The following GSTCD variants were observed in gnomAD, a reference collection of about 807,000 sequenced individuals.
GSTCD encodes glutathione S-transferase C-terminal domain-containing protein.
Under a neutral mutation model 68.3 loss-of-function variants are expected in GSTCD, and 44 were observed. That is an observed-to-expected ratio of 0.64 (90% CI 0.51 to 0.83). GSTCD has a LOEUF of 0.83. Ranked by LOEUF, GSTCD falls within the 40% of genes least tolerant of loss-of-function variation. The pLI is 0.00. For synonymous variants in GSTCD, 273 were observed against 255.2 expected, an observed-to-expected ratio of 1.07 and a Z score of -0.67; for missense variants, 739 against 735.9, an observed-to-expected ratio of 1.00 and a Z score of -0.05.
rs568964433 is a variant in GSTCD at position 105,745,464 on chromosome 4, A to G, written c.1240+15965A>G. Among the ~76,000 whole-genome samples the G allele has an allele frequency of 5.9e-5, 9 of 152,284 alleles. No individual in the cohort carries two copies. In the East Asian group the frequency reaches 1.5e-3, roughly 26 times the overall value. On this transcript the variant is annotated intron_variant, in intron 5 of 11. Coordinates refer to ENST00000515279, the MANE Select transcript of GSTCD (RefSeq NM_001370181.1). Reference sequence around the variant, plus strand: ...CCAGGCAATTGCATACTCTTTTACTATTTGGCCTCAAATACCCATGTGATT... The same window carrying G: ...CCAGGCAATTGCATACTCTTTTACTGTTTGGCCTCAAATACCCATGTGATT...
At chr4:105,798,546 G>A (rs1578484758) in intron 5 of GSTCD, among the ~76,000 whole-genome samples, 1 of 152,276 alleles carries the variant, frequency 6.6e-6, no homozygotes, top group East Asian at 1.9e-4. Flanking sequence ...TGAACCATGA[G>A]CTGCAGAATG....
rs143967779 is a variant in GSTCD, at chr4:105,813,598, T to G, written c.1241-9356T>G. ...AAAAATTTCTGAAACCCAAAATACTTCTGGTCCCAAGCATTTCAGACACTC... is the reference window on the plus strand; with the variant it reads ...AAAAATTTCTGAAACCCAAAATACTGCTGGTCCCAAGCATTTCAGACACTC... On this transcript the variant is annotated intron_variant, in intron 5 of 11. Transcript: ENST00000515279. Among the ~76,000 whole-genome samples the G allele has an allele frequency of 8.3e-3, 1,261 of 152,288 alleles. 10 individuals are homozygous for G. Among genetic ancestry groups the G allele is most frequent in the Middle Eastern group, 0.027 (8 of 294 alleles).
chr4:105,743,385 A>G (rs2149221016), intron 5 of GSTCD, among the ~76,000 whole-genome samples: 1 of 152,176 alleles, frequency 6.6e-6, no homozygotes, highest in East Asian at 1.9e-4. Flanking sequence ...ATACTCAATT[A>G]TTTTTTATTA....
At chr4:105,725,604 T>G (rs954152629) in intron 3 of GSTCD, among the ~76,000 whole-genome samples, 3 of 152,152 alleles carry the variant, frequency 2.0e-5, no homozygotes, top group Non-Finnish European at 4.4e-5. Context: ...TTTTATATAC[T>G]TAGTTGCCAT....
chr4:105,784,703 T>C (rs1287977165), intron 5 of GSTCD, among the ~76,000 whole-genome samples: 1 of 152,222 alleles, frequency 6.6e-6, no homozygotes, highest in Non-Finnish European at 1.5e-5. Flanking sequence ...TCTTCCCCAC[T>C]TATCATTTGT....
chr4:105,749,973 A>G (rs1003650287), intron 5 of GSTCD, among the ~76,000 whole-genome samples: 4 of 152,266 alleles, frequency 2.6e-5, no homozygotes, highest in Non-Finnish European at 2.9e-5. Context: ...TCAAATCTCA[A>G]CAGTTAAACA....
intron 7 of GSTCD, among the ~76,000 whole-genome samples, chr4:105,824,123 GA>G (rs1723464769): frequency 6.6e-6 from 1 of 151,958 alleles, no homozygotes; most frequent in Non-Finnish European, 1.5e-5. Context: ...TAGTTATAGT[GA>G]ATACTTGCGG....
At position 105,846,625 on chromosome 4, in the gene GSTCD, G is replaced by A. The variant is rs1724556707; in HGVS notation, c.*1048G>A. On this transcript the variant is annotated 3_prime_UTR_variant, in exon 12 of 12. Coordinates refer to ENST00000515279, the MANE Select transcript of GSTCD (RefSeq NM_001370181.1). ...CAAAAGACATAATGTTTTGCCTATGGAAGTAGATCATCTAGAAGAAAAAGA... is the reference window on the plus strand; with the variant it reads ...CAAAAGACATAATGTTTTGCCTATGAAAGTAGATCATCTAGAAGAAAAAGA... 1 of 150,986 alleles carries A rather than the reference G, an allele frequency of 6.6e-6. No individual in the cohort carries two copies. The highest frequency in any genetic ancestry group is 2.4e-5 in the African/African-American group (1 of 41,054). The allele number at this position is 150,986 out of a possible 1,614,324, so 9.4% of individuals were successfully genotyped here. A position where few individuals can be genotyped will look rare whatever the true frequency, so the allele number is the denominator to read the frequency against.
intron 5 of GSTCD, among the ~76,000 whole-genome samples, chr4:105,766,744 G>A (rs569935769): frequency 6.6e-6 from 1 of 152,082 alleles, no homozygotes; most frequent in South Asian, 2.1e-4. Flanking sequence ...CATTGAGGTT[G>A]CATTTGACAT....
intron 3 of GSTCD, among the ~76,000 whole-genome samples, chr4:105,724,145 G>A (rs371724921): frequency 1.3e-5 from 2 of 151,610 alleles, no homozygotes; most frequent in East Asian, 3.9e-4. Flanking sequence ...TTTATTTAAA[G>A]GTCATAATCT....
At chr4:105,713,955 T>G (rs1304825618) in intron 1 of GSTCD, among the ~76,000 whole-genome samples, 1 of 152,014 alleles carries the variant, frequency 6.6e-6, no homozygotes, top group Non-Finnish European at 1.5e-5. Flanking sequence ...TTGTTTTTAA[T>G]ATGTTTACTG....
chr4:105,803,296 T>C lies in GSTCD; in HGVS notation c.1241-19658T>C, dbSNP rs552193416. ...GGCCTCCAGTTCTACAGGGGAAATA[T>C]TGAATGTAGAAAATGTTAAAATAAA... On this transcript the variant is annotated intron_variant, in intron 5 of 11. Transcript: ENST00000515279. Among the ~76,000 whole-genome samples the C allele has an allele frequency of 4.6e-5, 7 of 152,190 alleles. No individual in the cohort carries two copies. The South Asian group carries it at 8.3e-4, about 18-fold the overall frequency.
At chr4:105,779,574 T>C (rs1279998193) in intron 5 of GSTCD, among the ~76,000 whole-genome samples, 4 of 152,228 alleles carry the variant, frequency 2.6e-5, no homozygotes, top group Admixed American at 1.3e-4. Context: ...GTCAAATTTT[T>C]GCAATTTGTC....
intron 5 of GSTCD, among the ~76,000 whole-genome samples, chr4:105,747,142 T>C (rs1046044840): frequency 6.6e-6 from 1 of 152,274 alleles, no homozygotes; most frequent in Admixed American, 6.5e-5. Flanking sequence ...TATTTATTGC[T>C]ATTCTTGCCA....
intron 5 of GSTCD, among the ~76,000 whole-genome samples, chr4:105,766,211 G>A (rs1236044075): frequency 7.2e-5 from 11 of 152,218 alleles, no homozygotes; most frequent in Admixed American, 7.2e-4. Flanking sequence ...TGGAGGCAGT[G>A]TTACTGAAAC....
intron 7 of GSTCD, chr4:105,823,823 GC>G (rs1223560611): frequency 6.6e-6 from 1 of 152,046 alleles, no homozygotes; most frequent in Non-Finnish European, 1.5e-5. Flanking sequence ...TGTATCCCTT[GC>G]TTTCACTCAA....
intron 5 of GSTCD, chr4:105,807,070 T>G (rs1330750154): frequency 3.3e-5 from 5 of 152,152 alleles, no homozygotes; most frequent in African/African-American, 1.2e-4. Flanking sequence ...TCCTCTACTT[T>G]CTTCTTCCAA....
At chr4:105,842,004 T>G in intron 10 of GSTCD, 61 bp from the exon 11 acceptor site, 1 of 1,318,992 alleles carries the variant, frequency 7.6e-7, no homozygotes, top group South Asian at 1.2e-5. Flanking sequence ...TTGGTGGTTG[T>G]TTTTATAACT....
chr4:105,733,413 T>C (rs1430033733), intron 5 of GSTCD, among the ~76,000 whole-genome samples: 1 of 152,214 alleles, frequency 6.6e-6, no homozygotes, highest in Non-Finnish European at 1.5e-5. Context: ...TAGCTCTTCT[T>C]GTTGAATTGA....
Sources: gnomAD v4.1 joint callset for allele counts (sites outside exome capture counted in the v4.1 genomes callset) on GRCh38, gnomAD v4.1.1 for gene constraint, MANE v1.5 for transcripts, NCBI Gene and HGNC (gene_info 2026-07-23, HGNC 2026-07-21) for gene names.